MTUS2: variants seen among roughly 807,000 people sequenced by gnomAD.
The protein encoded by MTUS2 is microtubule associated scaffold protein 2.
A neutral mutation model predicts 114.1 loss-of-function variants in MTUS2; 40 were observed. The ratio of observed to expected loss-of-function variants is 0.35; its 90% confidence interval spans 0.27 to 0.46. The LOEUF (loss-of-function observed/expected upper bound fraction) is 0.46, where lower values mean the gene tolerates loss of function less well. MTUS2 is among the 20% of genes least tolerant of loss of function. The pLI is 1.00. For missense variants in MTUS2, 1,679 were observed against 1,705.4 expected (o/e 0.98, Z 0.27); for synonymous variants, 688 against 672.0 (o/e 1.02, Z -0.37).
At chr13:28,847,254 T>C (rs1265508839) in intron 2 of MTUS2, among the ~76,000 whole-genome samples, 2 of 152,148 alleles carry the variant, frequency 1.3e-5, no homozygotes, top group African/African-American at 4.8e-5. Flanking sequence ...TCAATATCAC[T>C]TGAGGTTTTT....
At chr13:28,944,327 A>C (rs886786393) in intron 2 of MTUS2, among the ~76,000 whole-genome samples, 1 of 152,092 alleles carries the variant, frequency 6.6e-6, no homozygotes, top group Non-Finnish European at 1.5e-5. Flanking sequence ...ATTTCTTCTA[A>C]GTGTATAGAG....
chr13:28,905,794 T>A (rs987722278), intron 2 of MTUS2, among the ~76,000 whole-genome samples: 1 of 151,602 alleles, frequency 6.6e-6, no homozygotes, highest in Middle Eastern at 3.2e-3. Flanking sequence ...GGATTCCCTC[T>A]TTTTCTATTG....
intron 6 of MTUS2, among the ~76,000 whole-genome samples, chr13:29,299,099 A>T (rs1373213806): frequency 1.3e-5 from 2 of 152,234 alleles, no homozygotes; most frequent in Admixed American, 6.5e-5. Context: ...AAAGATAATA[A>T]ATATGAGCTC....
chr13:29,306,475 G>A (rs1053260924), intron 6 of MTUS2, among the ~76,000 whole-genome samples: 2 of 152,136 alleles, frequency 1.3e-5, no homozygotes, highest in South Asian at 2.1e-4. Flanking sequence ...AAAATTGCTA[G>A]CATTCCTATA....
chr13:28,867,406 A>C (rs1374105310), intron 2 of MTUS2, among the ~76,000 whole-genome samples: 3 of 152,162 alleles, frequency 2.0e-5, no homozygotes, highest in African/African-American at 7.2e-5. Flanking sequence ...CAATAATACA[A>C]AGTGAAATTT....
At chr13:29,465,125 G>T (rs368958707) in intron 9 of MTUS2, among the ~76,000 whole-genome samples, 5 of 152,232 alleles carry the variant, frequency 3.3e-5, no homozygotes, top group African/African-American at 1.2e-4. Flanking sequence ...CAGTAGAGCA[G>T]CCGGCACAGA....
At chr13:29,500,239 C>T (rs1263524598) in intron 14 of MTUS2, among the ~76,000 whole-genome samples, 3 of 152,318 alleles carry the variant, frequency 2.0e-5, no homozygotes, top group Non-Finnish European at 2.9e-5. Context: ...AAAGTGAGGG[C>T]TGGGTGAGGT....
chr13:29,199,448 CAT>C (rs1242010518), intron 5 of MTUS2, among the ~76,000 whole-genome samples: 4 of 152,102 alleles, frequency 2.6e-5, no homozygotes, highest in Admixed American at 2.0e-4. Context: ...TTGAGATAAT[CAT>C]GTGGTTTTTG....
intron 6 of MTUS2, among the ~76,000 whole-genome samples, chr13:29,308,788 G>A (rs553004153): frequency 6.6e-6 from 1 of 152,068 alleles, no homozygotes; most frequent in African/African-American, 2.4e-5. Context: ...ACAAACATAT[G>A]AAAAAAACCT....
intron 5 of MTUS2, among the ~76,000 whole-genome samples, chr13:29,267,616 G>A (rs1031571801): frequency 1.1e-4 from 16 of 152,156 alleles, no homozygotes; most frequent in African/African-American, 3.9e-4. Flanking sequence ...TGTTCCAGCG[G>A]GCACATTACA....
intron 5 of MTUS2, among the ~76,000 whole-genome samples, chr13:29,219,694 GT>G (rs1895828560): frequency 6.6e-6 from 1 of 152,180 alleles, no homozygotes; most frequent in South Asian, 2.1e-4. Context: ...ATCTTCATCA[GT>G]TATCTTAGCT....
chr13:29,293,564 C>T (rs969380741), intron 6 of MTUS2, among the ~76,000 whole-genome samples: 1 of 152,004 alleles, frequency 6.6e-6, no homozygotes, highest in African/African-American at 2.4e-5. Flanking sequence ...GACAAGTAAT[C>T]CAGTATTTCT....
At position 28,968,363 on chromosome 13, in the gene MTUS2, C is replaced by T. The variant is rs544972386; in HGVS notation, c.-242-56094C>T. Among the ~76,000 whole-genome samples the T allele has an allele frequency of 3.3e-5, 5 of 152,222 alleles. No homozygotes were observed. The East Asian group carries it at 9.6e-4, about 29-fold the overall frequency. On this transcript the variant is annotated intron_variant, in intron 2 of 15. Transcript: ENST00000612955. The stretch of plus-strand genomic sequence containing the variant: ...AATAAAATGTATTCTGTTTCCCTAC[C>T]TTGGCAAATACGTCATTGCAATGGC...
chr13:29,100,914 T>C lies in MTUS2; in HGVS notation c.2588T>C (p.Val863Ala). The stretch of plus-strand genomic sequence containing the variant: ...GTCCGGAGCTCCAGCGTCTCCTCAG[T>C]CTCCAGCACCCAGTCCGGGGACAGT... ...GFVRSSSVSSVSSTQSGDSAQ... is the reference protein window; with the variant it reads ...GFVRSSSVSSASSTQSGDSAQ... The change falls in exon 5 of 16, where the codon GTC becomes GCC. Residue 863 changes from valine (V) to alanine (A), a missense_variant. Coordinates refer to ENST00000612955, the MANE Select transcript of MTUS2 (RefSeq NM_001033602.4). 4.4e-6 allele frequency: 7 copies of C among 1,575,872 alleles called. No homozygotes were observed. The highest frequency in any genetic ancestry group is 6.0e-6 in the Non-Finnish European group (7 of 1,160,498).
At chr13:29,006,444 AT>A in intron 2 of MTUS2, among the ~76,000 whole-genome samples, 1 of 152,212 alleles carries the variant, frequency 6.6e-6, no homozygotes, top group Non-Finnish European at 1.5e-5. Context: ...TGTTATATAC[AT>A]TTTTTCCTAG....
chr13:28,924,146 T>C (rs1418511400), intron 2 of MTUS2, among the ~76,000 whole-genome samples: 1 of 152,148 alleles, frequency 6.6e-6, no homozygotes, highest in Non-Finnish European at 1.5e-5. Flanking sequence ...CTGGGTTGCT[T>C]TCTGCTTTTG....
intron 9 of MTUS2, among the ~76,000 whole-genome samples, chr13:29,444,763 C>T (rs1021991834): frequency 2.0e-5 from 3 of 152,174 alleles, no homozygotes; most frequent in Non-Finnish European, 4.4e-5. Context: ...GGGAGAGTGG[C>T]ACAGGTGGGT....
chr13:29,481,968 C>T (rs972221814), intron 10 of MTUS2: 1 of 152,192 alleles, frequency 6.6e-6, no homozygotes, highest in Admixed American at 6.5e-5. Context: ...TAGACATTTG[C>T]ACGTGCTGCT....
At chr13:29,273,297 T>C (rs1897944014) in intron 5 of MTUS2, among the ~76,000 whole-genome samples, 1 of 152,144 alleles carries the variant, frequency 6.6e-6, no homozygotes, top group South Asian at 2.1e-4. Flanking sequence ...GATGCAATAG[T>C]AGGTTTCAGG....
Sources: allele counts gnomAD v4.1 joint callset (sites outside exome capture counted in the v4.1 genomes callset), GRCh38; gene constraint gnomAD v4.1.1; transcripts MANE v1.5; gene names NCBI Gene and HGNC (gene_info 2026-07-23, HGNC 2026-07-21).